The following HYAL4 variants were observed in gnomAD, a reference collection of about 807,000 sequenced individuals.
The protein encoded by HYAL4 is hyaluronidase-4.
Under a neutral mutation model 35.2 loss-of-function variants are expected in HYAL4, and 37 were observed. That is an observed-to-expected ratio of 1.05 (90% CI 0.81 to 1.38). HYAL4 has a LOEUF of 1.38. Among genes scored for constraint, HYAL4 ranks in the 40% most tolerant of loss-of-function variants. The pLI is 0.00. For missense variants in HYAL4, 572 were observed against 572.4 expected, an observed-to-expected ratio of 1.00 and a Z score of 0.01; for synonymous variants, 198 against 203.2, an observed-to-expected ratio of 0.97 and a Z score of 0.22.
chr7:123,870,940 G>A (rs1411562811), intron 3 of HYAL4, among the ~76,000 whole-genome samples: 1 of 151,942 alleles, frequency 6.6e-6, no homozygotes, highest in African/African-American at 2.4e-5. Context: ...AAACTCTGAG[G>A]GACAAAACGT....
Position 123,877,260 on chromosome 7 carries a change from T to C in HYAL4, c.*105T>C, listed in dbSNP as rs1807054335. 7 of 1,114,866 alleles carry C rather than the reference T, an allele frequency of 6.3e-6. No individual in the cohort carries two copies. In the South Asian group the frequency reaches 1.1e-4, roughly 18 times the overall value. The allele number at this position is 1,114,866 out of a possible 1,614,324, so 69.1% of individuals were successfully genotyped here. A position where few individuals can be genotyped will look rare whatever the true frequency, so the allele number is the denominator to read the frequency against. Reference sequence around the variant, plus strand: ...TCTTATGAATTCTATTGAGAGATATTATAAGTAGACATTATGTATGTCACT... The same window carrying C: ...TCTTATGAATTCTATTGAGAGATATCATAAGTAGACATTATGTATGTCACT... On this transcript the variant is annotated 3_prime_UTR_variant, in exon 5 of 5. Coordinates refer to ENST00000223026, the MANE Select transcript of HYAL4 (RefSeq NM_012269.3).
the HYAL4 span, among the ~76,000 whole-genome samples, chr7:123,770,045 A>G: frequency 9.1e-4 from 139 of 152,236 alleles, no homozygotes; most frequent in Non-Finnish European, 1.8e-3. Flanking sequence ...TGGGCATGAT[A>G]TCAGAATAAA....
intron 2 of HYAL4, 49 bp from the exon 3 acceptor site, chr7:123,868,174 G>C (rs985328095): frequency 1.9e-6 from 1 of 537,662 alleles, no homozygotes; most frequent in Non-Finnish European, 3.2e-6. Flanking sequence ...TATTATTTGA[G>C]TCTTTTTCCT....
the HYAL4 span, among the ~76,000 whole-genome samples, chr7:123,811,903 A>C: frequency 6.6e-6 from 1 of 151,976 alleles, no homozygotes; most frequent in Non-Finnish European, 1.5e-5. Context: ...GTGCGGTGGC[A>C]CAATCTCAGC....
At chr7:123,767,905 A>G in the HYAL4 span, among the ~76,000 whole-genome samples, 1 of 152,220 alleles carries the variant, frequency 6.6e-6, no homozygotes, top group Admixed American at 6.5e-5. Flanking sequence ...GGGAAATAAA[A>G]AGCAGGACAC....
At chr7:123,835,279 G>T (rs1238600746) in intron 1 of HYAL4, among the ~76,000 whole-genome samples, 1 of 151,950 alleles carries the variant, frequency 6.6e-6, no homozygotes, top group Non-Finnish European at 1.5e-5. Flanking sequence ...TCTGTTCAGG[G>T]TATCTAATTC....
chr7:123,843,648 T>C (rs148594168), upstream of HYAL4, among the ~76,000 whole-genome samples: 77 of 152,184 alleles, frequency 5.1e-4, no homozygotes, highest in African/African-American at 1.6e-3. Context: ...CAAACATACA[T>C]TTGGTCTTTT....
intron 1 of HYAL4, among the ~76,000 whole-genome samples, chr7:123,834,638 G>T (rs1442414991): frequency 6.6e-6 from 1 of 152,108 alleles, no homozygotes; most frequent in African/African-American, 2.4e-5. Flanking sequence ...TGGTGAGAGT[G>T]GGCATCCTTG....
At chr7:123,833,983 G>A (rs114738409) in intron 1 of HYAL4, among the ~76,000 whole-genome samples, 3,198 of 152,020 alleles carry the variant, frequency 0.021, 103 homozygotes, top group African/African-American at 0.073. Context: ...TTTTGGTGAC[G>A]ATGGTCTTAT....
chr7:123,811,855 T>C, the HYAL4 span, among the ~76,000 whole-genome samples: 2 of 152,182 alleles, frequency 1.3e-5, no homozygotes, highest in Admixed American at 6.5e-5. Flanking sequence ...TTGTTGTTGT[T>C]GTCGGAGAGG....
At chr7:123,851,566 A>G (rs182103369) in intron 2 of HYAL4, among the ~76,000 whole-genome samples, 22 of 152,316 alleles carry the variant, frequency 1.4e-4, no homozygotes, top group Non-Finnish European at 2.8e-4. Flanking sequence ...CGCAAAGGAC[A>G]TGAACTCATT....
chr7:123,814,576 C>T, the HYAL4 span: 1 of 152,538 alleles, frequency 6.6e-6, no homozygotes, highest in African/African-American at 2.4e-5. Context: ...GAAATCAGGG[C>T]AGCAGAATAA....
intron 2 of HYAL4, among the ~76,000 whole-genome samples, chr7:123,857,673 C>CTTTCTTTGTTTGTTTG: frequency 1.6e-5 from 1 of 60,936 alleles, no homozygotes; most frequent in South Asian, 7.6e-4. Context: ...TTGTTTGTTT[C>CTTTCTTTGTTTGTTTG]TTTCTTTCTT....
intron 2 of HYAL4, among the ~76,000 whole-genome samples, chr7:123,857,653 G>C (rs1012203965): frequency 4.1e-5 from 6 of 147,072 alleles, no homozygotes; most frequent in African/African-American, 1.5e-4. Flanking sequence ...GCCTTTCTTT[G>C]TTTCTTTCTT....
the HYAL4 span, among the ~76,000 whole-genome samples, chr7:123,772,819 T>TG: frequency 1.3e-5 from 2 of 152,042 alleles, no homozygotes; most frequent in Non-Finnish European, 2.9e-5. Context: ...CAGAAGGAAG[T>TG]GGGGTGGGGC....
At chr7:123,822,283 G>T in the HYAL4 span, among the ~76,000 whole-genome samples, 1 of 151,982 alleles carries the variant, frequency 6.6e-6, no homozygotes, top group Non-Finnish European at 1.5e-5. Context: ...ATAAACATAG[G>T]TTATCTTTTA....
At chr7:123,839,041 G>T (rs2116913716) in intron 1 of HYAL4, among the ~76,000 whole-genome samples, 1 of 152,052 alleles carries the variant, frequency 6.6e-6, no homozygotes, top group East Asian at 1.9e-4. Context: ...CAACGTGCAG[G>T]TTTGGTATAT....
rs959677042 is a variant in HYAL4, at chr7:123,845,512, A to G, written c.-295A>G. The G allele has an allele frequency of 6.6e-6, 1 of 151,880 alleles. No individual in the cohort carries two copies. Among genetic ancestry groups the G allele is most frequent in the African/African-American group, 2.4e-5 (1 of 41,360 alleles). 9.4% of individuals were successfully genotyped at this position (151,880 alleles called of 1,614,324 possible). A position where few individuals can be genotyped will look rare whatever the true frequency, so the allele number is the denominator to read the frequency against. On this transcript the variant is annotated 5_prime_UTR_variant, in exon 1 of 5. The change abolishes an upstream ATG in the 5' untranslated region. Transcript: ENST00000223026. ...GGTGAGCCACCGTGCCTTGCTATTT[A>G]TGCCATCTATTTCACTGAAGATTCC... is the stretch of plus-strand genomic sequence containing the variant.
the HYAL4 span, among the ~76,000 whole-genome samples, chr7:123,809,428 C>A: frequency 1.5e-5 from 2 of 137,746 alleles, no homozygotes; most frequent in African/African-American, 2.7e-5. Flanking sequence ...CAGAGTCTGA[C>A]TCCGTTGCCC....
Sources: gnomAD v4.1 joint callset for allele counts (sites outside exome capture counted in the v4.1 genomes callset) on GRCh38, gnomAD v4.1.1 for gene constraint, MANE v1.5 for transcripts, NCBI Gene and HGNC (gene_info 2026-07-23, HGNC 2026-07-21) for gene names.